The following GBP4 variants were observed in gnomAD, a reference collection of about 807,000 sequenced individuals.
The protein encoded by GBP4 is guanylate binding protein 4, also known as guanylate-binding protein 4.
GBP4 carries 69 observed loss-of-function variants against 62.2 expected under a neutral mutation model. That is an observed-to-expected ratio of 1.11 (90% CI 0.91 to 1.36). The LOEUF is 1.36. GBP4 is among the 40% of genes most tolerant of loss of function. The probability of loss-of-function intolerance (pLI) is 0.00; values close to 1 mark genes in which losing one functional copy is unlikely to be tolerated. For missense variants in GBP4, 697 were observed against 759.3 expected, an observed-to-expected ratio of 0.92 and a Z score of 0.96; for synonymous variants, 278 against 274.6, an observed-to-expected ratio of 1.01 and a Z score of -0.12.
At chr1:89,187,817 T>C (rs550807408) in intron 8 of GBP4, among the ~76,000 whole-genome samples, 8 of 152,254 alleles carry the variant, frequency 5.3e-5, no homozygotes, top group Admixed American at 1.3e-4. Flanking sequence ...ATGATAATTA[T>C]CCAATAGTCA....
intron 7 of GBP4, 114 bp downstream of exon 7, chr1:89,189,924 A>T (rs1648135108): frequency 9.6e-7 from 1 of 1,041,542 alleles, no homozygotes; most frequent in African/African-American, 1.6e-5. Context: ...TGTTATTCAC[A>T]AGAAACCATG....
At chr1:89,193,684 C>T (rs1477943620) in intron 3 of GBP4, among the ~76,000 whole-genome samples, 2 of 152,154 alleles carry the variant, frequency 1.3e-5, no homozygotes, top group Non-Finnish European at 1.5e-5. Context: ...AAGTAATCAG[C>T]GTGCAATTAT....
chr1:89,191,510 T>G lies in GBP4; in HGVS notation c.671-4A>C. ...TTTTGAATTTTGGGATTCTTGCCTG[T>G]GGAATTGTAAAAAAGAGGGCTCATT... On this transcript the variant is annotated splice_region_variant and splice_polypyrimidine_tract_variant and intron_variant, in intron 5 of 10. Coordinates refer to ENST00000355754, the MANE Select transcript of GBP4 (RefSeq NM_052941.5). 1 of 1,610,056 alleles carries G rather than the reference T, an allele frequency of 6.2e-7. No individual in the cohort carries two copies. The highest frequency in any genetic ancestry group is 8.5e-7 in the Non-Finnish European group (1 of 1,177,132).
intron 10 of GBP4, among the ~76,000 whole-genome samples, chr1:89,186,036 G>C (rs961702457): frequency 2.0e-5 from 3 of 152,108 alleles, no homozygotes; most frequent in Non-Finnish European, 2.9e-5. Flanking sequence ...AAGGATTGGT[G>C]GACTAAGGTC....
rs1647982445 is a variant in GBP4, at chr1:89,184,671, G to A, written c.*583C>T. 1 of 152,118 alleles carries A rather than the reference G, an allele frequency of 6.6e-6. No individual in the cohort carries two copies. Among genetic ancestry groups the A allele is most frequent in the African/African-American group, 2.4e-5 (1 of 41,332 alleles). 9.4% of individuals were successfully genotyped at this position (152,118 alleles called of 1,614,324 possible). ...AAAGAGAACACATGGATACTCAGAGGAGAACAAGAGACACTGGGGTCTACT... is the reference window on the plus strand; with the variant it reads ...AAAGAGAACACATGGATACTCAGAGAAGAACAAGAGACACTGGGGTCTACT... On this transcript the variant is annotated 3_prime_UTR_variant, in exon 11 of 11. Coordinates refer to ENST00000355754, the MANE Select transcript of GBP4 (RefSeq NM_052941.5).
chr1:89,192,794 C>G, intron 5 of GBP4, 110 bp downstream of exon 5: 3 of 1,007,632 alleles, frequency 3.0e-6, no homozygotes, highest in Non-Finnish European at 4.3e-6. Flanking sequence ...GAGCATGGGC[C>G]TCAAATCAAT....
intron 5 of GBP4, 114 bp downstream of exon 5, chr1:89,192,789 TG>T: frequency 1.1e-6 from 1 of 909,798 alleles, no homozygotes; most frequent in Non-Finnish European, 1.6e-6. Context: ...ACCATGAGCA[TG>T]GGCCTCAAAT....
intron 2 of GBP4, among the ~76,000 whole-genome samples, chr1:89,195,678 A>G (rs894715256): frequency 6.6e-6 from 1 of 152,182 alleles, no homozygotes; most frequent in African/African-American, 2.4e-5. Context: ...GAGAGGAAGT[A>G]GGACATTAGG....
At position 89,191,488 on chromosome 1, in the gene GBP4, T is replaced by C; in HGVS notation, c.689A>G (p.Gln230Arg). ...ACACTCTCTAGGCATGTTTGAATTT[T>C]GAATTTTGGGATTCTTGCCTGTGGA... ...KLIPGKNPKI[Q>R]NSNMPRECIR... is the part of the protein sequence containing the mutation. Residue 230 changes from glutamine (Q) to arginine (R), a missense_variant, in exon 6 of 11, where the codon CAA becomes CGA. Gln to Arg is a conservative substitution (Grantham distance 43). Coordinates refer to ENST00000355754, the MANE Select transcript of GBP4 (RefSeq NM_052941.5). 1 of 1,613,040 alleles carries C rather than the reference T, an allele frequency of 6.2e-7. No individual in the cohort carries two copies. The highest frequency in any genetic ancestry group is 1.1e-5 in the South Asian group (1 of 91,018).
At position 89,185,111 on chromosome 1, in the gene GBP4, T is replaced by G; in HGVS notation, c.*143A>C. On this transcript the variant is annotated 3_prime_UTR_variant, in exon 11 of 11. Coordinates refer to ENST00000355754, the MANE Select transcript of GBP4 (RefSeq NM_052941.5). Reference sequence around the variant, plus strand: ...TTTTGTGGATGTCAGGCCCTGATATTCTTTGATAATCACTTTTTAATTTTA... The same window carrying G: ...TTTTGTGGATGTCAGGCCCTGATATGCTTTGATAATCACTTTTTAATTTTA... The G allele has an allele frequency of 1.9e-6, 1 of 532,928 alleles. No homozygotes were observed. The highest frequency in any genetic ancestry group is 3.6e-5 in the Admixed American group (1 of 27,552). The allele number at this position is 532,928 out of a possible 1,614,324, so 33.0% of individuals were successfully genotyped here. A position where few individuals can be genotyped will look rare whatever the true frequency, so the allele number is the denominator to read the frequency against.
intron 6 of GBP4, 115 bp from the exon 7 acceptor site, chr1:89,190,433 A>C: frequency 1.2e-6 from 1 of 804,040 alleles, no homozygotes; most frequent in East Asian, 2.8e-5. Context: ...GTTTCTTATC[A>C]CTCCTTTATT....
At position 89,192,934 on chromosome 1, in the gene GBP4, A is replaced by G; in HGVS notation, c.640T>C (p.Tyr214His). 1 of 1,614,148 alleles carries G rather than the reference A, an allele frequency of 6.2e-7. No individual in the cohort carries two copies. Among genetic ancestry groups the G allele is most frequent in the Non-Finnish European group, 8.5e-7 (1 of 1,179,996 alleles). ...ATCAGCTTCAAGGCATTCTCCAGGT[A>G]CTCATCTTCTGTGATGGGGTTTCCA... ...LDGNPITEDE[Y>H]LENALKLIPG... The change falls in exon 5 of 11, where the codon TAC becomes CAC. Residue 214 changes from tyrosine to histidine, a missense_variant. This residue lies in a region of GBP4 where 556 missense variants were observed against 562.7 expected (regional missense o/e 0.99). Coordinates refer to ENST00000355754, the MANE Select transcript of GBP4 (RefSeq NM_052941.5).
intron 7 of GBP4, among the ~76,000 whole-genome samples, chr1:89,189,207 G>A (rs1348225744): frequency 1.3e-5 from 2 of 152,178 alleles, no homozygotes; most frequent in Non-Finnish European, 2.9e-5. Context: ...AGCATATTCT[G>A]ATGAGAAAAA....
Position 89,191,314 on chromosome 1 carries a change from A to C in GBP4, c.863T>G (p.Phe288Cys). 1 of 1,614,216 alleles carries C rather than the reference A, an allele frequency of 6.2e-7. No homozygotes were observed. Among genetic ancestry groups the C allele is most frequent in the Non-Finnish European group, 8.5e-7 (1 of 1,180,014 alleles). Residue 288 changes from phenylalanine to cysteine, a missense_variant, in exon 6 of 11, where the codon TTC (phenylalanine) becomes TGC (cysteine). Physicochemically the swap from Phe to Cys is radical, Grantham distance 205. Around this residue, in one of 2 missense-constraint regions of GBP4, gnomAD observed 556 missense variants for 562.7 expected, o/e 0.99. Coordinates refer to ENST00000355754, the MANE Select transcript of GBP4 (RefSeq NM_052941.5). ...MQSDNFCSYI[F>C]THAKTKTLRE... ...CAGGGTCTTGGTCTTTGCATGGGTG[A>C]AGATATAAGAACAGAAGTTGTCTGA...
chr1:89,193,269 C>A (rs747453596), intron 4 of GBP4, 34 bp downstream of exon 4: 3 of 1,599,296 alleles, frequency 1.9e-6, no homozygotes, highest in Admixed American at 1.7e-5. Flanking sequence ...CCCTAAACCC[C>A]ATAAAACCTG....
intron 3 of GBP4, 105 bp downstream of exon 3, chr1:89,195,192 C>T (rs1026261359): frequency 2.6e-6 from 3 of 1,165,252 alleles, no homozygotes; most frequent in Non-Finnish European, 3.6e-6. Flanking sequence ...CCTCATTATT[C>T]ATAATTAGAT....
In GBP4 at chr1:89,186,545, A is replaced by T; in HGVS notation, c.1514-19T>A. ...CGCTCCGCTATTCCACAAAGGTTTT[A>T]GAGAGGGAAGAAAATGACAGTTATT... On this transcript the variant is annotated intron_variant, in intron 9 of 10. Coordinates refer to ENST00000355754, the MANE Select transcript of GBP4 (RefSeq NM_052941.5). 1 of 1,609,064 alleles carries T rather than the reference A, an allele frequency of 6.2e-7. No homozygotes were observed. Among genetic ancestry groups the T allele is most frequent in the Non-Finnish European group, 8.5e-7 (1 of 1,177,448 alleles).
At chr1:89,195,467 A>C in intron 2 of GBP4, 43 bp from the exon 3 acceptor site, 1 of 1,608,510 alleles carries the variant, frequency 6.2e-7, no homozygotes, top group Non-Finnish European at 8.5e-7. Flanking sequence ...CAGTGGATAG[A>C]CCAGGATGTC....
chr1:89,192,128 A>G (rs72728730), intron 5 of GBP4, among the ~76,000 whole-genome samples: 5,791 of 152,324 alleles, frequency 0.038, 160 homozygotes, highest in Admixed American at 0.065. Flanking sequence ...TAGGTCTCAC[A>G]TTGTCTTGCA....
Sources: allele counts gnomAD v4.1 joint callset (sites outside exome capture counted in the v4.1 genomes callset), GRCh38; gene constraint gnomAD v4.1.1; regional missense constraint gnomAD v4.1.1; transcripts MANE v1.5; gene names NCBI Gene and HGNC (gene_info 2026-07-23, HGNC 2026-07-21).